Variants in EPHA3 observed in about 807,000 individuals in gnomAD.
The protein encoded by EPHA3 is EPH receptor A3, also known as ephrin type-A receptor 3.
Under a neutral mutation model 107.1 loss-of-function variants are expected in EPHA3, and 42 were observed. The observed-to-expected ratio is 0.39, with a 90% CI of 0.31 to 0.51. The LOEUF (loss-of-function observed/expected upper bound fraction) is 0.51, where lower values mean the gene tolerates loss of function less well. Among genes scored for constraint, EPHA3 ranks in the 20% least tolerant of loss-of-function variants. The pLI, the probability that EPHA3 is intolerant of heterozygous loss-of-function variation, is 0.78. For missense variants in EPHA3, 1,183 were observed against 1,211.2 expected, an observed-to-expected ratio of 0.98 and a Z score of 0.35; for synonymous variants, 461 against 424.8, an observed-to-expected ratio of 1.09 and a Z score of -1.05.
chr3:89,360,902 A>T (rs73846154), intron 5 of EPHA3, among the ~76,000 whole-genome samples: 10,379 of 150,876 alleles, frequency 0.069, 1,245 homozygotes, highest in African/African-American at 0.24. Flanking sequence ...TTACTTTTTA[A>T]TTGACCAATG....
chr3:89,208,715 T>C lies in EPHA3; in HGVS notation c.154-1145T>C, dbSNP rs536713294. On this transcript the variant is annotated intron_variant, in intron 2 of 16. Coordinates refer to ENST00000336596, the MANE Select transcript of EPHA3 (RefSeq NM_005233.6). ...ACAATAAAAGAGTTTACATTGACAA[T>C]AATATAATATGTGGAAATATTACTT... 2.5e-4 allele frequency among the ~76,000 whole-genome samples: 38 copies of C among 152,152 alleles called. 1 individual carries two copies. Among genetic ancestry groups the C allele is most frequent in the African/African-American group, 7.2e-4 (30 of 41,516 alleles).
intron 2 of EPHA3, among the ~76,000 whole-genome samples, chr3:89,155,623 G>A (rs1299753093): frequency 6.6e-6 from 1 of 151,932 alleles, no homozygotes; most frequent in Non-Finnish European, 1.5e-5. Flanking sequence ...ACAATGCCAG[G>A]CTTTACAAAT....
chr3:89,229,973 A>G (rs373171351), intron 3 of EPHA3, among the ~76,000 whole-genome samples: 5 of 152,128 alleles, frequency 3.3e-5, no homozygotes, highest in Non-Finnish European at 7.4e-5. Context: ...ATAATTTTCA[A>G]TTGTTTACAC....
chr3:89,419,120 A>AAT, intron 10 of EPHA3, 85 bp from the exon 11 acceptor site: 1 of 1,352,764 alleles, frequency 7.4e-7, no homozygotes, highest in Non-Finnish European at 9.9e-7. Flanking sequence ...TTAAATGGAA[A>AAT]TTTTGAAATA....
chr3:89,109,530 C>G (rs1051746328), intron 1 of EPHA3, among the ~76,000 whole-genome samples: 1 of 151,618 alleles, frequency 6.6e-6, no homozygotes, highest in Non-Finnish European at 1.5e-5. Flanking sequence ...ATTAATTATG[C>G]ACAAGAATGT....
intron 1 of EPHA3, among the ~76,000 whole-genome samples, chr3:89,111,702 A>C (rs911891033): frequency 1.3e-5 from 2 of 152,156 alleles, no homozygotes; most frequent in Non-Finnish European, 2.9e-5. Context: ...CCGTAAAGAA[A>C]CTTTTTGTAA....
At chr3:89,144,067 T>C (rs1340821697) in intron 2 of EPHA3, among the ~76,000 whole-genome samples, 2 of 151,678 alleles carry the variant, frequency 1.3e-5, no homozygotes, top group Admixed American at 6.6e-5. Flanking sequence ...GATGAACCAA[T>C]ATTGATACAT....
At chr3:89,187,910 A>G (rs1421497739) in intron 2 of EPHA3, among the ~76,000 whole-genome samples, 2 of 152,168 alleles carry the variant, frequency 1.3e-5, no homozygotes, top group East Asian at 3.8e-4. Context: ...AACACTAAAA[A>G]TCTCTTAGCA....
intron 2 of EPHA3, among the ~76,000 whole-genome samples, chr3:89,190,187 A>G (rs1302568380): frequency 3.9e-5 from 6 of 152,160 alleles, no homozygotes; most frequent in Non-Finnish European, 7.4e-5. Flanking sequence ...TTATTTTTTT[A>G]ACACTTACTA....
chr3:89,355,645 G>A (rs1433642510), intron 5 of EPHA3, among the ~76,000 whole-genome samples: 1 of 150,520 alleles, frequency 6.6e-6, no homozygotes, highest in Non-Finnish European at 1.5e-5. Flanking sequence ...TTTGATTATT[G>A]GTACAGTAAG....
At chr3:89,453,153 G>A (rs1462399851) in intron 15 of EPHA3, among the ~76,000 whole-genome samples, 1 of 151,866 alleles carries the variant, frequency 6.6e-6, no homozygotes, top group African/African-American at 2.4e-5. Context: ...GGGCCATATG[G>A]TCCTCATTCT....
chr3:89,453,426 AC>A (rs1710034718), intron 15 of EPHA3, among the ~76,000 whole-genome samples: 2 of 152,122 alleles, frequency 1.3e-5, no homozygotes, highest in African/African-American at 4.8e-5. Context: ...TATATCAAAT[AC>A]TTTTTCTTAT....
At chr3:89,158,642 T>A (rs570629963) in intron 2 of EPHA3, among the ~76,000 whole-genome samples, 1 of 152,278 alleles carries the variant, frequency 6.6e-6, no homozygotes, top group Admixed American at 6.6e-5. Flanking sequence ...TGAGAAGTCC[T>A]CTTTCAAAGA....
intron 2 of EPHA3, among the ~76,000 whole-genome samples, chr3:89,171,470 T>C (rs999677751): frequency 6.6e-6 from 1 of 152,170 alleles, no homozygotes. Context: ...ATGACACAAA[T>C]TGATAACTTG....
At chr3:89,293,821 C>G (rs1706277405) in intron 3 of EPHA3, among the ~76,000 whole-genome samples, 2 of 152,120 alleles carry the variant, frequency 1.3e-5, no homozygotes, top group Non-Finnish European at 1.5e-5. Context: ...ATTACCCAGT[C>G]TTAGGTAGTT....
At chr3:89,338,145 CT>C (rs1707434521) in intron 3 of EPHA3, among the ~76,000 whole-genome samples, 1 of 152,218 alleles carries the variant, frequency 6.6e-6, no homozygotes, top group Non-Finnish European at 1.5e-5. Flanking sequence ...TCTAGCTTCA[CT>C]GGTCTAAGGA....
intron 2 of EPHA3, among the ~76,000 whole-genome samples, chr3:89,199,522 A>G (rs1705920412): frequency 1.2e-4 from 1 of 8,574 alleles, no homozygotes; most frequent in Admixed American, 1.7e-3. Flanking sequence ...AGCATAACAT[A>G]TATCTGTTTC....
chr3:89,177,166 T>A (rs1705339577), intron 2 of EPHA3, among the ~76,000 whole-genome samples: 1 of 152,164 alleles, frequency 6.6e-6, no homozygotes, highest in Non-Finnish European at 1.5e-5. Flanking sequence ...ATAAGAGTAG[T>A]TTTTCTTCTT....
intron 3 of EPHA3, among the ~76,000 whole-genome samples, chr3:89,213,335 T>G (rs1704152002): frequency 6.6e-6 from 1 of 152,016 alleles, no homozygotes; most frequent in South Asian, 2.1e-4. Flanking sequence ...ACCTATAGGA[T>G]GTGTAATTAC....
Sources: allele counts gnomAD v4.1 joint callset (sites outside exome capture counted in the v4.1 genomes callset), GRCh38; gene constraint gnomAD v4.1.1; transcripts MANE v1.5; gene names NCBI Gene and HGNC (gene_info 2026-07-23, HGNC 2026-07-21).